The following PSD3 variants were observed in gnomAD, a reference collection of about 807,000 sequenced individuals.
PSD3 encodes the protein pleckstrin and Sec7 domain containing 3, also known as PH and SEC7 domain-containing protein 3.
In PSD3, 49 loss-of-function variants were observed where a neutral mutation model predicts 105.5. That is an observed-to-expected ratio of 0.46 (90% CI 0.37 to 0.59). The LOEUF is 0.59. PSD3 is among the 20% of genes least tolerant of loss of function. The pLI is 0.00. For synonymous variants in PSD3, 557 were observed against 457.8 expected, an observed-to-expected ratio of 1.22 and a Z score of -2.77; for missense variants, 1,561 against 1,263.8, an observed-to-expected ratio of 1.24 and a Z score of -3.57.
At chr8:18,926,332 TATAATC>T (rs1186851626) in intron 2 of PSD3, among the ~76,000 whole-genome samples, 2 of 151,332 alleles carry the variant, frequency 1.3e-5, no homozygotes, top group Non-Finnish European at 2.9e-5. Context: ...ATTATATAAT[TATAATC>T]ATAATTATAA....
At chr8:18,876,045 G>A (rs1265913801) in intron 2 of PSD3, among the ~76,000 whole-genome samples, 2 of 152,134 alleles carry the variant, frequency 1.3e-5, no homozygotes, top group Non-Finnish European at 2.9e-5. Flanking sequence ...GTTGTCAGGT[G>A]TACTCATGTC....
chr8:18,588,372 G>T (rs1197287590), intron 12 of PSD3, among the ~76,000 whole-genome samples: 1 of 152,150 alleles, frequency 6.6e-6, no homozygotes, highest in African/African-American at 2.4e-5. Flanking sequence ...TCTGTGCAAG[G>T]TTTCCAGGAA....
At chr8:18,951,946 G>A (rs1215257953) in intron 1 of PSD3, among the ~76,000 whole-genome samples, 1 of 152,036 alleles carries the variant, frequency 6.6e-6, no homozygotes, top group East Asian at 1.9e-4. Context: ...CCCAGCCTGG[G>A]CAACAAGAGC....
At chr8:19,058,884 A>G (rs760960998) in intron 1 of PSD3, among the ~76,000 whole-genome samples, 6 of 152,168 alleles carry the variant, frequency 3.9e-5, no homozygotes, top group Non-Finnish European at 7.3e-5. Context: ...CAAGGCAAAT[A>G]TTCAGCTGGT....
chr8:18,821,559 A>G (rs546565015), intron 4 of PSD3, among the ~76,000 whole-genome samples: 1 of 149,476 alleles, frequency 6.7e-6, no homozygotes, highest in East Asian at 1.9e-4. Flanking sequence ...AACAAAACTG[A>G]ATAATATTGT....
chr8:18,619,912 T>C (rs572911981), intron 11 of PSD3, among the ~76,000 whole-genome samples: 3 of 152,288 alleles, frequency 2.0e-5, no homozygotes, highest in East Asian at 1.9e-4. Flanking sequence ...AGAATCGCCA[T>C]TGATGCAGCC....
At chr8:18,777,109 C>T (rs896729507) in intron 8 of PSD3, among the ~76,000 whole-genome samples, 2 of 152,130 alleles carry the variant, frequency 1.3e-5, no homozygotes, top group East Asian at 1.9e-4. Context: ...GTGGAACGAT[C>T]TTGGCTCACT....
intron 14 of PSD3, among the ~76,000 whole-genome samples, chr8:18,568,721 T>C (rs1801950234): frequency 2.0e-5 from 3 of 151,952 alleles, no homozygotes; most frequent in Admixed American, 1.3e-4. Flanking sequence ...TTTTTTTTAT[T>C]ATACTTTAAG....
intron 1 of PSD3, among the ~76,000 whole-genome samples, chr8:18,954,383 G>GA (rs77044516): frequency 2.0e-5 from 3 of 150,944 alleles, no homozygotes; most frequent in Admixed American, 6.6e-5. Flanking sequence ...ATTTTTATAA[G>GA]AAAAAAAAAG....
chr8:18,699,114 C>T (rs771271915), intron 9 of PSD3, among the ~76,000 whole-genome samples: 2 of 152,176 alleles, frequency 1.3e-5, no homozygotes, highest in Non-Finnish European at 2.9e-5. Flanking sequence ...CATCCAGAGA[C>T]TGCTTCTCAG....
chr8:18,731,994 T>C (rs186156823), intron 9 of PSD3, among the ~76,000 whole-genome samples: 1 of 152,280 alleles, frequency 6.6e-6, no homozygotes, highest in East Asian at 1.9e-4. Flanking sequence ...AAATAAGTCA[T>C]CTTTTTTCCA....
rs1265803976 is a variant in PSD3, at chr8:18,568,976, G to A, written c.2784+3552C>T. On this transcript the variant is annotated intron_variant, in intron 14 of 15. Coordinates refer to ENST00000327040, the MANE Select transcript of PSD3 (RefSeq NM_015310.4). ...GTGGTGTTTGGTTTTTTGTTCTTGC[G>A]ATAGCTTACTGAGAATGATGATTTC... Among the ~76,000 whole-genome samples, 14 of 146,476 alleles carry A rather than the reference G, an allele frequency of 9.6e-5. 1 individual carries two copies. Among genetic ancestry groups the A allele is most frequent in the South Asian group, 9.0e-4 (4 of 4,422 alleles).
intron 9 of PSD3, among the ~76,000 whole-genome samples, chr8:18,673,295 T>A (rs1233291247): frequency 1.3e-5 from 2 of 152,166 alleles, no homozygotes; most frequent in Non-Finnish European, 2.9e-5. Context: ...TGCAGTTTCA[T>A]GAATTTTCAG....
chr8:18,998,409 C>T (rs1399716556), intron 1 of PSD3, among the ~76,000 whole-genome samples: 2 of 151,944 alleles, frequency 1.3e-5, no homozygotes, highest in Non-Finnish European at 2.9e-5. Context: ...GGTCCTGGGC[C>T]GGGTGCGGTG....
At chr8:18,901,338 G>A (rs902674092) in intron 2 of PSD3, among the ~76,000 whole-genome samples, 2 of 152,204 alleles carry the variant, frequency 1.3e-5, no homozygotes, top group African/African-American at 2.4e-5. Context: ...TGAGTTTCTT[G>A]TAGGCAGCAT....
At chr8:18,667,672 G>A (rs1395177668) in intron 9 of PSD3, among the ~76,000 whole-genome samples, 1 of 152,236 alleles carries the variant, frequency 6.6e-6, no homozygotes, top group Non-Finnish European at 1.5e-5. Flanking sequence ...GTCCCGCCGT[G>A]TGCCTGCACT....
intron 9 of PSD3, among the ~76,000 whole-genome samples, chr8:18,672,672 C>T (rs1799849327): frequency 6.6e-6 from 1 of 152,162 alleles, no homozygotes. Context: ...AAATAAGTTG[C>T]ATGGACAATC....
chr8:19,037,703 C>T (rs1395516), intron 1 of PSD3, among the ~76,000 whole-genome samples: 12,316 of 152,110 alleles, frequency 0.081, 1,544 homozygotes, highest in African/African-American at 0.27. Flanking sequence ...CATTTGGACA[C>T]TGGTACTTCT....
rs899386755 is a variant in PSD3, at chr8:18,656,603, C to G, written c.2173-918G>C. Among the ~76,000 whole-genome samples, 9 of 152,124 alleles carry G rather than the reference C, an allele frequency of 5.9e-5. No individual in the cohort carries two copies. The East Asian group carries it at 1.7e-3, about 29-fold the overall frequency. ...ATTGGATAAAAAACTTCTTTAGACC[C>G]TTGGTAACAATAATGGTAAAGTCAG... On this transcript the variant is annotated intron_variant, in intron 9 of 15. Transcript: ENST00000327040.
Sources: allele counts gnomAD v4.1 joint callset (sites outside exome capture counted in the v4.1 genomes callset), GRCh38; gene constraint gnomAD v4.1.1; transcripts MANE v1.5; gene names NCBI Gene and HGNC (gene_info 2026-07-23, HGNC 2026-07-21).